Variants in YAP1 observed in about 807,000 individuals in gnomAD.
The protein encoded by YAP1 is transcriptional coactivator YAP1.
YAP1 carries 5 observed loss-of-function variants against 56.9 expected under a neutral mutation model. That is an observed-to-expected ratio of 0.09 (90% CI 0.05 to 0.18). The LOEUF (loss-of-function observed/expected upper bound fraction) is 0.18, where lower values mean the gene tolerates loss of function less well. Ranked by LOEUF, YAP1 falls within the 10% of genes least tolerant of loss-of-function variation. The probability of loss-of-function intolerance (pLI) is 1.00; values close to 1 mark genes in which losing one functional copy is unlikely to be tolerated. For missense variants in YAP1, 539 were observed against 651.8 expected (o/e 0.83, Z 1.88); for synonymous variants, 265 against 248.1 (o/e 1.07, Z -0.64).
At chr11:102,180,901 C>T (rs1947570992) in intron 3 of YAP1, among the ~76,000 whole-genome samples, 1 of 151,982 alleles carries the variant, frequency 6.6e-6, no homozygotes, top group African/African-American at 2.4e-5. Flanking sequence ...AATCCCACCA[C>T]TTTGGGAGGT....
At chr11:102,140,472 C>T (rs527792501) in intron 2 of YAP1, among the ~76,000 whole-genome samples, 3 of 152,052 alleles carry the variant, frequency 2.0e-5, no homozygotes, top group Admixed American at 6.5e-5. Flanking sequence ...AACAAAACTA[C>T]GCATGATAGC....
intron 2 of YAP1, among the ~76,000 whole-genome samples, chr11:102,141,491 A>G (rs75584303): frequency 1.4e-3 from 217 of 152,320 alleles, no homozygotes; most frequent in African/African-American, 4.9e-3. Flanking sequence ...AGTTGGCGCT[A>G]AACAATGTGG....
At chr11:102,111,244 C>T (rs1256337782) in intron 1 of YAP1, 75 bp downstream of exon 1, 1 of 1,566,424 alleles carries the variant, frequency 6.4e-7, no homozygotes, top group Non-Finnish European at 8.7e-7. Flanking sequence ...GAGCCGCGGC[C>T]GCCAGCTCTG....
chr11:102,189,893 T>C (rs993864070), intron 4 of YAP1, among the ~76,000 whole-genome samples: 3 of 152,220 alleles, frequency 2.0e-5, no homozygotes, highest in African/African-American at 4.8e-5. Flanking sequence ...TCTATAAAAA[T>C]TTTGAGACAT....
chr11:102,211,969 C>T (rs1203663074), intron 6 of YAP1, among the ~76,000 whole-genome samples: 1 of 152,188 alleles, frequency 6.6e-6, no homozygotes, highest in African/African-American at 2.4e-5. Flanking sequence ...TCCCAAAGCA[C>T]TGGTATTACA....
intron 2 of YAP1, among the ~76,000 whole-genome samples, chr11:102,118,951 T>A (rs1435717313): frequency 6.6e-6 from 1 of 152,070 alleles, no homozygotes. Flanking sequence ...CCTTTAAAAC[T>A]GAAAAGCTTG....
intron 2 of YAP1, among the ~76,000 whole-genome samples, chr11:102,156,745 A>G (rs766594267): frequency 6.6e-6 from 1 of 152,246 alleles, no homozygotes. Flanking sequence ...AACTTCAGGT[A>G]CACGCCATTT....
chr11:102,142,413 GAAATT>G (rs1446248830), intron 2 of YAP1, among the ~76,000 whole-genome samples: 2 of 152,180 alleles, frequency 1.3e-5, no homozygotes, highest in East Asian at 1.9e-4. Flanking sequence ...CTGTGGAAAA[GAAATT>G]AAAGAAGTTT....
At chr11:102,199,525 A>G (rs991746398) in intron 4 of YAP1, among the ~76,000 whole-genome samples, 4 of 152,186 alleles carry the variant, frequency 2.6e-5, no homozygotes, top group Non-Finnish European at 5.9e-5. Flanking sequence ...AGTCTTCGTG[A>G]GTTAATAAAT....
chr11:102,149,636 A>C (rs1037485999), intron 2 of YAP1, among the ~76,000 whole-genome samples: 1 of 152,230 alleles, frequency 6.6e-6, no homozygotes, highest in Non-Finnish European at 1.5e-5. Flanking sequence ...GAAAGTAAAA[A>C]CAGAAATGGT....
chr11:102,195,145 C>G (rs972843375), intron 4 of YAP1, among the ~76,000 whole-genome samples: 1 of 152,156 alleles, frequency 6.6e-6, no homozygotes, highest in Non-Finnish European at 1.5e-5. Flanking sequence ...TCTAGCTGTG[C>G]TCTGGGGACA....
At chr11:102,136,517 TTTTG>T (rs1944685195) in intron 2 of YAP1, among the ~76,000 whole-genome samples, 1 of 151,840 alleles carries the variant, frequency 6.6e-6, no homozygotes, top group East Asian at 1.9e-4. Flanking sequence ...GTAATTTTGT[TTTTG>T]TTTGTTTTTT....
chr11:102,188,145 A>G (rs998066304), intron 4 of YAP1, among the ~76,000 whole-genome samples: 3 of 152,196 alleles, frequency 2.0e-5, no homozygotes, highest in African/African-American at 2.4e-5. Flanking sequence ...ATAGTGGATT[A>G]TGTTTTATCT....
rs758360525 is a variant in YAP1, at chr11:102,206,046, G to A, written c.956G>A (p.Arg319Gln). The change falls in exon 5 of 9, where the codon CGG becomes CAG. Residue 319 changes from arginine to glutamine, a missense_variant. Around this residue, in one of 4 missense-constraint regions of YAP1, gnomAD observed 414 missense variants for 512.4 expected, o/e 0.81. Coordinates refer to ENST00000282441, the MANE Select transcript of YAP1 (RefSeq NM_001130145.3). ...CTGCAGATGGAGAAGGAGAGGCTGC[G>A]GCTGAAACAGCAAGAACTGCTTCGG... is the stretch of plus-strand genomic sequence containing the variant. ...QQLQMEKERL[R>Q]LKQQELLRQA... 62 of 1,613,702 alleles carry A rather than the reference G, an allele frequency of 3.8e-5. No individual in the cohort carries two copies. Among genetic ancestry groups the A allele is most frequent in the Admixed American group, 6.7e-5 (4 of 59,984 alleles).
At chr11:102,139,064 T>C (rs934583472) in intron 2 of YAP1, among the ~76,000 whole-genome samples, 2 of 152,164 alleles carry the variant, frequency 1.3e-5, no homozygotes, top group African/African-American at 2.4e-5. Flanking sequence ...TTTTTTTTTT[T>C]TCTCTTCATG....
intron 2 of YAP1, among the ~76,000 whole-genome samples, chr11:102,140,338 G>A (rs2135284322): frequency 6.6e-6 from 1 of 152,220 alleles, no homozygotes; most frequent in Middle Eastern, 3.4e-3. Flanking sequence ...ATGTTTTGAG[G>A]ATTGAAATCT....
At position 102,203,058 on chromosome 11, in the gene YAP1, G is replaced by A. The variant is rs190207920; in HGVS notation, c.803-2835G>A. 5.9e-5 allele frequency among the ~76,000 whole-genome samples: 9 copies of A among 152,228 alleles called. No homozygotes were observed. The East Asian group carries it at 1.5e-3, about 26-fold the overall frequency. On this transcript the variant is annotated intron_variant, in intron 4 of 8. Coordinates refer to ENST00000282441, the MANE Select transcript of YAP1 (RefSeq NM_001130145.3). ...ATAAATGACAAAGAAAAAACCAAGG[G>A]GGAACCTGTGTATTAAAACAGTGGT...
At chr11:102,182,482 T>A (rs1309693076) in intron 3 of YAP1, among the ~76,000 whole-genome samples, 1 of 152,216 alleles carries the variant, frequency 6.6e-6, no homozygotes, top group Non-Finnish European at 1.5e-5. Flanking sequence ...CATATCACTT[T>A]TTGCTTTCTC....
intron 3 of YAP1, among the ~76,000 whole-genome samples, chr11:102,180,911 T>A (rs1279174953): frequency 6.6e-6 from 1 of 151,338 alleles, no homozygotes; most frequent in Non-Finnish European, 1.5e-5. Flanking sequence ...CTTTGGGAGG[T>A]CGAGGTGGGA....
Sources: gnomAD v4.1 joint callset for allele counts (sites outside exome capture counted in the v4.1 genomes callset) on GRCh38, gnomAD v4.1.1 for gene constraint, gnomAD v4.1.1 regional missense constraint, MANE v1.5 for transcripts, NCBI Gene and HGNC (gene_info 2026-07-23, HGNC 2026-07-21) for gene names.